Variants in C8orf34 observed in about 807,000 individuals in gnomAD.
C8orf34 encodes the protein chromosome 8 open reading frame 34.
In C8orf34, 65 loss-of-function variants were observed where a neutral mutation model predicts 68.3. The observed-to-expected ratio is 0.95, with a 90% confidence interval of 0.78 to 1.17. C8orf34 has a LOEUF of 1.17. Ranked by LOEUF, C8orf34 falls within the 50% of genes most tolerant of loss-of-function variation. The pLI, the probability that C8orf34 is intolerant of heterozygous loss-of-function variation, is 0.00. For missense variants in C8orf34, 664 were observed against 655.4 expected (o/e 1.01, Z -0.14); for synonymous variants, 244 against 241.2 (o/e 1.01, Z -0.11).
At chr8:68,731,261 C>CT (rs1202347295) in intron 10 of C8orf34, among the ~76,000 whole-genome samples, 3 of 152,194 alleles carry the variant, frequency 2.0e-5, no homozygotes, top group Admixed American at 6.5e-5. Flanking sequence ...TTGCAGGGTT[C>CT]TTTTTTACCT....
At position 68,805,000 on chromosome 8, in the gene C8orf34, G is replaced by A. The variant is rs1463332154; in HGVS notation, c.1550-10886G>A. Among the ~76,000 whole-genome samples the A allele has an allele frequency of 2.6e-5, 4 of 152,294 alleles. No homozygotes were observed. The East Asian group carries it at 7.7e-4, about 29-fold the overall frequency. ...ACAAACGTCAGTCCCCTGAAGCAAAGAACTTGGTATTAAAGACAGAAATTA... is the reference window on the plus strand; with the variant it reads ...ACAAACGTCAGTCCCCTGAAGCAAAAAACTTGGTATTAAAGACAGAAATTA... On this transcript the variant is annotated intron_variant, in intron 12 of 13. Coordinates refer to ENST00000518698, the MANE Select transcript of C8orf34 (RefSeq NM_052958.4).
At chr8:68,412,408 ACTTG>A (rs1237102196) in intron 1 of C8orf34, among the ~76,000 whole-genome samples, 1 of 152,146 alleles carries the variant, frequency 6.6e-6, no homozygotes, top group African/African-American at 2.4e-5. Context: ...AACATTTTAG[ACTTG>A]CTAGATGTAA....
intron 7 of C8orf34, among the ~76,000 whole-genome samples, chr8:68,575,956 GTTTTTTTTT>G (rs59081528): frequency 2.1e-5 from 2 of 96,348 alleles, no homozygotes; most frequent in Non-Finnish European, 2.1e-5. Context: ...GTAGATGGTT[GTTTTTTTTT>G]TTTTTTTTTT....
chr8:68,694,966 T>C (rs756524594), intron 8 of C8orf34, among the ~76,000 whole-genome samples: 8 of 152,058 alleles, frequency 5.3e-5, no homozygotes, highest in Non-Finnish European at 8.8e-5. Flanking sequence ...CAATTTAATA[T>C]TGGATCATTC....
rs116345921 is a variant in C8orf34, at chr8:68,709,821, G to A, written c.1327+742G>A. Among the ~76,000 whole-genome samples the A allele has an allele frequency of 2.6e-3, 392 of 152,210 alleles. 1 individual carries two copies. Among genetic ancestry groups the A allele is most frequent in the African/African-American group, 8.8e-3 (365 of 41,510 alleles). On this transcript the variant is annotated intron_variant, in intron 9 of 13. Transcript: ENST00000518698. The stretch of plus-strand genomic sequence containing the variant: ...AAACAATATCAGAGCAATTCAAAAT[G>A]TTTGTTGTATATGTAAATAAGTACA...
chr8:68,358,416 G>T (rs895466149), intron 1 of C8orf34, among the ~76,000 whole-genome samples: 2 of 151,428 alleles, frequency 1.3e-5, no homozygotes, highest in African/African-American at 4.9e-5. Context: ...TTGGATCTCA[G>T]GTTAAATATA....
chr8:68,446,721 C>T (rs72664953), intron 3 of C8orf34: 10,898 of 421,416 alleles, frequency 0.026, 167 homozygotes, highest in Middle Eastern at 0.043. Flanking sequence ...CTGCATGGAG[C>T]GGGTCTCTTG....
At chr8:68,575,562 A>G (rs770182136) in intron 7 of C8orf34, among the ~76,000 whole-genome samples, 26 of 152,124 alleles carry the variant, frequency 1.7e-4, no homozygotes, top group Non-Finnish European at 3.2e-4. Context: ...CTTCTAAAAT[A>G]ATTGAAGTAA....
Position 68,616,506 on chromosome 8 carries a change from T to C in C8orf34, c.1106-23870T>C, listed in dbSNP as rs1195222620. Among the ~76,000 whole-genome samples the C allele has an allele frequency of 2.0e-5, 3 of 152,222 alleles. No homozygotes were observed. The East Asian group carries it at 5.8e-4, about 29-fold the overall frequency. ...CATGTTGTGTCTTTGTCCTCATTGG[T>C]TTCAAAGAACATCTTTATTTCTGCC... On this transcript the variant is annotated intron_variant, in intron 7 of 13. Transcript: ENST00000518698.
chr8:68,698,673 A>G (rs1005971333), intron 8 of C8orf34, among the ~76,000 whole-genome samples: 1 of 152,092 alleles, frequency 6.6e-6, no homozygotes, highest in African/African-American at 2.4e-5. Flanking sequence ...CCATTTTTCA[A>G]CCTGCTAGAA....
At chr8:68,464,936 C>G (rs572844100) in intron 3 of C8orf34, among the ~76,000 whole-genome samples, 2,012 of 151,658 alleles carry the variant, frequency 0.013, 52 homozygotes, top group African/African-American at 0.045. Context: ...CAACAAAAGC[C>G]AAAATTGACA....
chr8:68,802,531 G>A (rs57077038), intron 12 of C8orf34, among the ~76,000 whole-genome samples: 36,564 of 151,974 alleles, frequency 0.24, 4,802 homozygotes, highest in East Asian at 0.47. Context: ...GACAAGTTCT[G>A]TCTCTTGCTG....
intron 1 of C8orf34, among the ~76,000 whole-genome samples, chr8:68,396,121 A>AT (rs1295944275): frequency 2.6e-5 from 4 of 152,000 alleles, no homozygotes; most frequent in African/African-American, 7.2e-5. Flanking sequence ...ATTTTGGCAT[A>AT]TTTTTTTCTC....
intron 8 of C8orf34, among the ~76,000 whole-genome samples, chr8:68,694,899 T>A (rs1176211091): frequency 6.6e-6 from 1 of 152,002 alleles, no homozygotes; most frequent in Non-Finnish European, 1.5e-5. Flanking sequence ...TTATTTTTAT[T>A]TATTTTATTT....
Position 68,446,351 on chromosome 8 carries a change from T to G in C8orf34, c.498T>G (p.Asp166Glu), listed in dbSNP as rs1811122997. The G allele has an allele frequency of 6.2e-7, 1 of 1,602,314 alleles. No homozygotes were observed. The highest frequency in any genetic ancestry group is 8.5e-7 in the Non-Finnish European group (1 of 1,177,008). ...CAGAATCCAAAGGAACAAGAAGGGA[T>G]TTCAGAAGCTATGATAAACCTTGGC... ...EKSESKGTRR[D>E]FRSYDKPWQL... Residue 166 changes from aspartate to glutamate, a missense_variant, in exon 3 of 14, where the codon GAT becomes GAG. Asp to Glu is a conservative substitution (Grantham distance 45, BLOSUM62 2). Transcript: ENST00000518698.
At chr8:68,696,727 AC>A (rs1275647476) in intron 8 of C8orf34, among the ~76,000 whole-genome samples, 1 of 152,114 alleles carries the variant, frequency 6.6e-6, no homozygotes, top group Non-Finnish European at 1.5e-5. Flanking sequence ...TACATCATTT[AC>A]TTTTTCTCAA....
chr8:68,592,270 G>A (rs529740358), intron 7 of C8orf34, among the ~76,000 whole-genome samples: 31 of 151,498 alleles, frequency 2.0e-4, no homozygotes, highest in Admixed American at 1.1e-3. Context: ...TATTTAATCC[G>A]TAAATCAATT....
chr8:68,574,719 A>C (rs1018591635), intron 7 of C8orf34, among the ~76,000 whole-genome samples: 7 of 152,054 alleles, frequency 4.6e-5, no homozygotes, highest in Non-Finnish European at 8.8e-5. Context: ...AGAGGTTACT[A>C]TTCTACTTAT....
intron 8 of C8orf34, among the ~76,000 whole-genome samples, chr8:68,675,569 T>TAAA (rs141125477): frequency 1.5e-4 from 21 of 140,098 alleles, no homozygotes; most frequent in African/African-American, 3.6e-4. Context: ...TAATCTCAAA[T>TAAA]AAAAAAAAAA....
Sources: gnomAD v4.1 joint callset for allele counts (sites outside exome capture counted in the v4.1 genomes callset) on GRCh38, gnomAD v4.1.1 for gene constraint, MANE v1.5 for transcripts, NCBI Gene and HGNC (gene_info 2026-07-23, HGNC 2026-07-21) for gene names.